PLCG2: variants seen among roughly 807,000 people sequenced by gnomAD.
PLCG2 encodes 1-phosphatidylinositol 4,5-bisphosphate phosphodiesterase gamma-2.
PLCG2 carries 69 observed loss-of-function variants against 175.6 expected under a neutral mutation model. The ratio of observed to expected loss-of-function variants is 0.39; its 90% CI spans 0.32 to 0.48. PLCG2 has a LOEUF of 0.48. PLCG2 is among the 20% of genes least tolerant of loss of function. The pLI is 0.91. For missense variants in PLCG2, 1,798 were observed against 1,650.9 expected (o/e 1.09, Z -1.54); for synonymous variants, 827 against 624.0 (o/e 1.33, Z -4.85).
chr16:81,829,361 G>T (rs549430252), intron 2 of PLCG2, among the ~76,000 whole-genome samples: 2 of 152,100 alleles, frequency 1.3e-5, no homozygotes, highest in Admixed American at 6.5e-5. Flanking sequence ...TGCCCGCCTC[G>T]GCCTCCCAAA....
rs1911689944 is a variant in PLCG2, at chr16:81,959,199, A to T, written c.*1201A>T. On this transcript the variant is annotated 3_prime_UTR_variant, in exon 33 of 33. Coordinates refer to ENST00000564138, the MANE Select transcript of PLCG2 (RefSeq NM_002661.5). ...ATGGGAAAAGGAGTGTAACTGTGAA[A>T]AACGATGGCTGTGGTGGGGAAGAAC... 4.4e-6 allele frequency: 1 copy of T among 226,396 alleles called. No individual in the cohort carries two copies. 14.0% of individuals were successfully genotyped at this position (226,396 alleles called of 1,614,324 possible).
intron 1 of PLCG2, among the ~76,000 whole-genome samples, chr16:81,750,411 A>G (rs1297862151): frequency 8.3e-6 from 1 of 119,834 alleles, no homozygotes; most frequent in Non-Finnish European, 1.7e-5. Flanking sequence ...TGATAGAGTG[A>G]GACTCTGTCT....
upstream of PLCG2, among the ~76,000 whole-genome samples, chr16:81,778,079 C>CAAAAGAAA (rs1567458056): frequency 1.0e-5 from 1 of 96,132 alleles, no homozygotes; most frequent in African/African-American, 3.8e-5. Context: ...AACACACACA[C>CAAAAGAAA]ACAAAAAAAA....
chr16:81,891,445 T>C, intron 10 of PLCG2, 27 bp from the exon 11 acceptor site: 1 of 1,222,988 alleles, frequency 8.2e-7, no homozygotes, highest in Non-Finnish European at 1.2e-6. Context: ...AACGTGATGA[T>C]TCGGTCTTCG....
chr16:81,883,914 C>G (rs893283775), intron 9 of PLCG2, among the ~76,000 whole-genome samples: 17 of 152,196 alleles, frequency 1.1e-4, no homozygotes, highest in African/African-American at 4.1e-4. Flanking sequence ...TGACGATGCC[C>G]CCAGAGGACA....
At chr16:81,890,769 T>G (rs192614164) in intron 10 of PLCG2, among the ~76,000 whole-genome samples, 42 of 152,322 alleles carry the variant, frequency 2.8e-4, no homozygotes, top group African/African-American at 9.9e-4. Flanking sequence ...AATTGTAACT[T>G]GAAATTTCCT....
At chr16:81,776,106 C>CTTTCTTTCTTTCTTTCTTTCTTTCA (rs1910399088), upstream of PLCG2, among the ~76,000 whole-genome samples, 1 of 20,066 alleles carries the variant, frequency 5.0e-5, no homozygotes, top group Non-Finnish European at 1.3e-4. Flanking sequence ...TCTTTTTTTC[C>CTTTCTTTCTTTCTTTCTTTCTTTCA]TTCTTTCTTT....
upstream of PLCG2, among the ~76,000 whole-genome samples, chr16:81,776,514 A>C (rs966588700): frequency 6.6e-6 from 1 of 152,150 alleles, no homozygotes; most frequent in Non-Finnish European, 1.5e-5. Flanking sequence ...GTCATTTTAC[A>C]TTAGAGTCCT....
At chr16:81,949,750 G>C (rs1368459236) in intron 31 of PLCG2, among the ~76,000 whole-genome samples, 1 of 152,120 alleles carries the variant, frequency 6.6e-6, no homozygotes, top group African/African-American at 2.4e-5. Context: ...ATCAAATAAG[G>C]ATTTTTGAAT....
intron 1 of PLCG2, among the ~76,000 whole-genome samples, chr16:81,780,854 C>G (rs113862797): frequency 0.14 from 20,823 of 152,136 alleles, 1,756 homozygotes; most frequent in Non-Finnish European, 0.19. Flanking sequence ...TGGTGAAACC[C>G]CATCTCTACT....
intron 30 of PLCG2, among the ~76,000 whole-genome samples, chr16:81,945,161 T>G (rs1369236058): frequency 1.3e-5 from 2 of 152,150 alleles, no homozygotes; most frequent in Admixed American, 1.3e-4. Flanking sequence ...AGTGAGAGAT[T>G]CAGTGGATAT....
Position 81,873,566 on chromosome 16 carries a change from T to A in PLCG2, c.648+2631T>A, listed in dbSNP as rs577134870. On this transcript the variant is annotated intron_variant, in intron 7 of 32. Transcript: ENST00000564138. ...TTGCAAATAACAGTTTTTTTTTTTT[T>A]AATAATAGTTTACCTTGAAATTTCA... 7.9e-5 allele frequency among the ~76,000 whole-genome samples: 12 copies of A among 151,626 alleles called. No homozygotes were observed. The South Asian group carries it at 1.9e-3, about 24-fold the overall frequency.
intron 2 of PLCG2, chr16:81,767,560 T>C (rs972388177): frequency 6.6e-6 from 1 of 152,226 alleles, no homozygotes; most frequent in South Asian, 2.1e-4. Context: ...TTATCACTTG[T>C]ATTGTAATAA....
intron 1 of PLCG2, among the ~76,000 whole-genome samples, chr16:81,781,769 G>C (rs954387407): frequency 6.6e-6 from 1 of 152,200 alleles, no homozygotes; most frequent in African/African-American, 2.4e-5. Context: ...ATTTTTGGAT[G>C]AAATCCTGTA....
upstream of PLCG2, among the ~76,000 whole-genome samples, chr16:81,774,977 C>T (rs1197605969): frequency 6.6e-6 from 1 of 152,074 alleles, no homozygotes; most frequent in Non-Finnish European, 1.5e-5. Flanking sequence ...AACTCCTGGG[C>T]TCAAGTGGTC....
intron 7 of PLCG2, among the ~76,000 whole-genome samples, chr16:81,876,650 G>C (rs764805868): frequency 6.6e-6 from 1 of 152,186 alleles, no homozygotes. Flanking sequence ...GTAAATGTGT[G>C]CGTGACCCAA....
chr16:81,928,531 C>G, intron 23 of PLCG2, 27 bp from the exon 24 acceptor site: 1 of 1,460,112 alleles, frequency 6.8e-7, no homozygotes, highest in South Asian at 1.1e-5. Context: ...TTACAACTAA[C>G]GTGAGTTATG....
At chr16:81,783,117 C>G (rs1277851771) in intron 1 of PLCG2, 1 of 488,998 alleles carries the variant, frequency 2.0e-6, no homozygotes, top group East Asian at 5.7e-5. Context: ...GTCCCTTGTC[C>G]TGGTTTCTGT....
Position 81,838,853 on chromosome 16 carries a change from G to C in PLCG2, c.194-15591G>C, listed in dbSNP as rs74029240. ...TAAAATGCACACATGGTGCATGTAA[G>C]GCTCAAGGCTTTAAGCATGGGTCCA... On this transcript the variant is annotated intron_variant, in intron 2 of 32. Transcript: ENST00000564138. Among the ~76,000 whole-genome samples, 1,096 of 150,866 alleles carry C rather than the reference G, an allele frequency of 7.3e-3. 15 individuals carry two copies. Among genetic ancestry groups the C allele is most frequent in the Middle Eastern group, 0.025 (7 of 280 alleles).
Sources: allele counts gnomAD v4.1 joint callset (sites outside exome capture counted in the v4.1 genomes callset), GRCh38; gene constraint gnomAD v4.1.1; transcripts MANE v1.5; gene names NCBI Gene and HGNC (gene_info 2026-07-23, HGNC 2026-07-21).